The following KCNU1 variants were observed in gnomAD, a reference collection of about 807,000 sequenced individuals.
The protein encoded by KCNU1 is potassium calcium-activated channel subfamily U member 1, also known as potassium channel subfamily U member 1.
Under a neutral mutation model 126.8 loss-of-function variants are expected in KCNU1, and 93 were observed. The ratio of observed to expected loss-of-function variants is 0.73; its 90% CI spans 0.62 to 0.87. KCNU1 has a LOEUF of 0.87. Among genes scored for constraint, KCNU1 ranks in the 40% least tolerant of loss-of-function variants. The probability of loss-of-function intolerance (pLI) is 0.00; values close to 1 mark genes in which losing one functional copy is unlikely to be tolerated. For missense variants in KCNU1, 1,330 were observed against 1,367.1 expected (o/e 0.97, Z 0.43); for synonymous variants, 523 against 494.2 (o/e 1.06, Z -0.77).
intron 11 of KCNU1, among the ~76,000 whole-genome samples, chr8:36,834,079 GA>G (rs1174492785): frequency 6.6e-6 from 1 of 152,014 alleles, no homozygotes; most frequent in East Asian, 1.9e-4. Context: ...TTTCCAATAG[GA>G]AAAACATAAA....
At chr8:36,845,234 A>T (rs367898901) in intron 16 of KCNU1, among the ~76,000 whole-genome samples, 2 of 151,890 alleles carry the variant, frequency 1.3e-5, no homozygotes, top group Non-Finnish European at 2.9e-5. Context: ...TGGTCTCGGC[A>T]TATTTGTCAT....
chr8:36,876,559 G>A (rs1806284963), intron 19 of KCNU1, among the ~76,000 whole-genome samples: 1 of 152,132 alleles, frequency 6.6e-6, no homozygotes, highest in African/African-American at 2.4e-5. Context: ...CTTGGAGGTA[G>A]GGCAGGGTAG....
intron 24 of KCNU1, among the ~76,000 whole-genome samples, chr8:36,927,227 A>G (rs1808563099): frequency 6.6e-6 from 1 of 152,152 alleles, no homozygotes; most frequent in Non-Finnish European, 1.5e-5. Context: ...GGTTTTTTCA[A>G]TGTAGAATAA....
chr8:36,887,044 C>T (rs1806732813), intron 19 of KCNU1, among the ~76,000 whole-genome samples: 1 of 152,042 alleles, frequency 6.6e-6, no homozygotes, highest in Non-Finnish European at 1.5e-5. Context: ...ATCCACTCAT[C>T]AGTTGATAAG....
chr8:36,842,945 T>C (rs1017291429), intron 16 of KCNU1, among the ~76,000 whole-genome samples: 1 of 152,142 alleles, frequency 6.6e-6, no homozygotes, highest in Non-Finnish European at 1.5e-5. Context: ...ATTACAGGAG[T>C]AAGCTACTGT....
chr8:36,923,253 G>T (rs563470981), intron 24 of KCNU1, among the ~76,000 whole-genome samples: 1 of 152,210 alleles, frequency 6.6e-6, no homozygotes, highest in Non-Finnish European at 1.5e-5. Context: ...CTGTTGGGGT[G>T]CTGGGGAATC....
chr8:36,791,200 G>C (rs1318908856), intron 2 of KCNU1, among the ~76,000 whole-genome samples: 1 of 151,980 alleles, frequency 6.6e-6, no homozygotes, highest in Non-Finnish European at 1.5e-5. Context: ...TGCATCTATG[G>C]GTTAGGTGTG....
At chr8:36,876,507 A>C (rs1047949752) in intron 19 of KCNU1, among the ~76,000 whole-genome samples, 3 of 152,158 alleles carry the variant, frequency 2.0e-5, no homozygotes, top group African/African-American at 7.2e-5. Flanking sequence ...TCCTTCCAAC[A>C]GTCTTTCAAG....
At chr8:36,817,000 GA>G (rs1250456707) in intron 9 of KCNU1, among the ~76,000 whole-genome samples, 1 of 152,038 alleles carries the variant, frequency 6.6e-6, no homozygotes, top group Non-Finnish European at 1.5e-5. Context: ...GGAATTAAGT[GA>G]AAAAATAAGT....
chr8:36,844,208 G>A (rs539510032), intron 16 of KCNU1, among the ~76,000 whole-genome samples: 242 of 151,928 alleles, frequency 1.6e-3, no homozygotes, highest in Non-Finnish European at 3.0e-3. Context: ...GTGAAACTCC[G>A]TCTCTACTAA....
intron 7 of KCNU1, among the ~76,000 whole-genome samples, chr8:36,812,032 C>A (rs140784825): frequency 1.3e-5 from 2 of 151,802 alleles, no homozygotes; most frequent in African/African-American, 4.8e-5. Flanking sequence ...TCACTGCACT[C>A]CAGCCTGGGT....
intron 1 of KCNU1, among the ~76,000 whole-genome samples, chr8:36,786,373 G>A (rs571696697): frequency 3.3e-5 from 5 of 152,214 alleles, no homozygotes; most frequent in East Asian, 1.9e-4. Context: ...TTTAGAAACC[G>A]ACATGAGTCA....
At chr8:36,929,929 C>T (rs1178307516) in intron 24 of KCNU1, among the ~76,000 whole-genome samples, 1 of 151,976 alleles carries the variant, frequency 6.6e-6, no homozygotes. Flanking sequence ...CAAGGCAGAA[C>T]AAGAAGTAAA....
intron 10 of KCNU1, 33 bp from the exon 11 acceptor site, chr8:36,833,521 T>A: frequency 7.8e-7 from 1 of 1,276,398 alleles, no homozygotes; most frequent in Non-Finnish European, 1.1e-6. Context: ...TCATCTTTTT[T>A]CCCTCATTGC....
intron 2 of KCNU1, among the ~76,000 whole-genome samples, chr8:36,792,151 A>G (rs1381749308): frequency 6.6e-6 from 1 of 152,190 alleles, no homozygotes; most frequent in African/African-American, 2.4e-5. Flanking sequence ...AGTAAAAACT[A>G]AATTCCTTCC....
chr8:36,914,271 CA>C (rs1381505025), intron 22 of KCNU1, among the ~76,000 whole-genome samples: 1 of 152,186 alleles, frequency 6.6e-6, no homozygotes, highest in African/African-American at 2.4e-5. Context: ...GGTTCTCAAC[CA>C]GTGGCAATTT....
chr8:36,805,955 T>A (rs1803485830), intron 4 of KCNU1, among the ~76,000 whole-genome samples: 1 of 152,196 alleles, frequency 6.6e-6, no homozygotes, highest in Admixed American at 6.5e-5. Context: ...GTGGTTCTCC[T>A]GCTTCGGCCT....
intron 20 of KCNU1, 121 bp downstream of exon 20, chr8:36,905,925 A>C: frequency 1.7e-6 from 1 of 576,422 alleles, no homozygotes; most frequent in Non-Finnish European, 3.1e-6. Context: ...TGTCAAAAAA[A>C]GAAAAAAACC....
chr8:36,933,788 A>T (rs534206159), intron 26 of KCNU1, among the ~76,000 whole-genome samples: 3 of 152,250 alleles, frequency 2.0e-5, no homozygotes, highest in Admixed American at 2.0e-4. Flanking sequence ...ACAGGAGAAA[A>T]GGAGGAAAAG....
Sources: gnomAD v4.1 joint callset for allele counts (sites outside exome capture counted in the v4.1 genomes callset) on GRCh38, gnomAD v4.1.1 for gene constraint, MANE v1.5 for transcripts, NCBI Gene and HGNC (gene_info 2026-07-23, HGNC 2026-07-21) for gene names.